Variants in SLC9A2 observed in about 807,000 individuals in gnomAD.
SLC9A2 encodes the protein sodium/hydrogen exchanger 2.
Under a neutral mutation model 71.7 loss-of-function variants are expected in SLC9A2, and 42 were observed. That is an observed-to-expected ratio of 0.59 (90% confidence interval 0.46 to 0.76). The LOEUF is 0.76. SLC9A2 is among the 30% of genes least tolerant of loss of function. The pLI is 0.00. For missense variants in SLC9A2, 829 were observed against 1,017.4 expected, an observed-to-expected ratio of 0.81 and a Z score of 2.52; for synonymous variants, 396 against 392.5, an observed-to-expected ratio of 1.01 and a Z score of -0.10.
chr2:102,667,932 C>T lies in SLC9A2; in HGVS notation c.1004+2582C>T, dbSNP rs912752139. 1.1e-4 allele frequency among the ~76,000 whole-genome samples: 17 copies of T among 151,660 alleles called. No homozygotes were observed. In the East Asian group the frequency reaches 1.4e-3, roughly 12 times the overall value. ...TAAAAAAAAAATACAAAAATTAGTC[C>T]GGCATGGTGGTGCATGTCTGTAATC... On this transcript the variant is annotated intron_variant, in intron 3 of 11. Coordinates refer to ENST00000233969, the MANE Select transcript of SLC9A2 (RefSeq NM_003048.6).
intron 1 of SLC9A2, among the ~76,000 whole-genome samples, chr2:102,652,676 C>A (rs546846698): frequency 6.6e-6 from 1 of 152,256 alleles, no homozygotes; most frequent in African/African-American, 2.4e-5. Flanking sequence ...ACTATCTGGT[C>A]CTTAACAGAA....
chr2:102,694,842 A>C (rs546649092), intron 6 of SLC9A2, among the ~76,000 whole-genome samples: 1 of 151,958 alleles, frequency 6.6e-6, no homozygotes, highest in East Asian at 1.9e-4. Context: ...AAAATAATCG[A>C]AGACTTACCT....
At chr2:102,685,013 A>G (rs1677521761) in intron 5 of SLC9A2, among the ~76,000 whole-genome samples, 1 of 152,232 alleles carries the variant, frequency 6.6e-6, no homozygotes, top group South Asian at 2.1e-4. Context: ...AGAGCATGTT[A>G]GAAGGTGGAA....
At chr2:102,659,732 G>A (rs1398825038) in intron 2 of SLC9A2, among the ~76,000 whole-genome samples, 2 of 152,204 alleles carry the variant, frequency 1.3e-5, no homozygotes, top group East Asian at 1.9e-4. Flanking sequence ...AATTTTAACT[G>A]GGAAACTGCC....
At chr2:102,623,711 G>T in intron 1 of SLC9A2, among the ~76,000 whole-genome samples, 1 of 152,124 alleles carries the variant, frequency 6.6e-6, no homozygotes. Context: ...CCTGCAAAAT[G>T]CCATGGTTTC....
Position 102,625,494 on chromosome 2 carries a change from C to T in SLC9A2, c.289+5357C>T, listed in dbSNP as rs563269764. Among the ~76,000 whole-genome samples, 9 of 147,268 alleles carry T rather than the reference C, an allele frequency of 6.1e-5. 1 individual carries two copies. The South Asian group carries it at 6.6e-4, about 11-fold the overall frequency. The stretch of plus-strand genomic sequence containing the variant: ...CCTCCCCCCACCGCACAACAGGTCC[C>T]GGTGTGTGATGTTCCCCTTCCTGTT... On this transcript the variant is annotated intron_variant, in intron 1 of 11. Transcript: ENST00000233969.
chr2:102,702,555 C>G lies in SLC9A2; in HGVS notation c.1845+53C>G, dbSNP rs1416345658. On this transcript the variant is annotated intron_variant, in intron 9 of 11. Coordinates refer to ENST00000233969, the MANE Select transcript of SLC9A2 (RefSeq NM_003048.6). ...TTACTTACCTTTGGCTAACAGGATG[C>G]CTTCTGGTTTTGTGCTGTAACTGGA... is the stretch of plus-strand genomic sequence containing the variant. The G allele has an allele frequency of 9.0e-6, 10 of 1,106,034 alleles. No individual in the cohort carries two copies. In the East Asian group the frequency reaches 1.9e-4, roughly 21 times the overall value. The allele number at this position is 1,106,034 out of a possible 1,614,324, so 68.5% of individuals were successfully genotyped here.
chr2:102,701,343 C>T (rs1482350823), intron 8 of SLC9A2, 112 bp downstream of exon 8: 23 of 832,222 alleles, frequency 2.8e-5, no homozygotes, highest in South Asian at 6.0e-5. Context: ...CCGCCCCCCT[C>T]GGCCTCCCAG....
chr2:102,666,224 C>A (rs1677137882), intron 3 of SLC9A2, among the ~76,000 whole-genome samples: 1 of 119,288 alleles, frequency 8.4e-6, no homozygotes, highest in Non-Finnish European at 1.6e-5. Flanking sequence ...GAGGCGGAGT[C>A]TCGCTCTCTC....
chr2:102,646,768 A>ATATATAT lies in SLC9A2; in HGVS notation c.290-10796_290-10795insTATATAT, dbSNP rs1676731084. Among the ~76,000 whole-genome samples, 166 of 132,972 alleles carry ATATATAT rather than the reference A, an allele frequency of 1.2e-3. 3 individuals carry two copies. The highest frequency in any genetic ancestry group is 5.0e-3 in the African/African-American group (160 of 32,156). The allele number at this position is 132,972 out of a possible 152,430, so 87.2% of individuals were successfully genotyped here. Reference sequence around the variant, plus strand: ...GCAGCAAGAAGAGCTAACGATCCTAAATATATATATATATATATATATCTC... The same window carrying ATATATAT: ...GCAGCAAGAAGAGCTAACGATCCTAATATATATATATATATATATATATATATATCTC... On this transcript the variant is annotated intron_variant, in intron 1 of 11. Transcript: ENST00000233969.
chr2:102,665,392 A>G, intron 3 of SLC9A2, 42 bp downstream of exon 3: 1 of 1,567,842 alleles, frequency 6.4e-7, no homozygotes, highest in Non-Finnish European at 8.7e-7. Flanking sequence ...ATGGCATTTC[A>G]TTGAATGCAT....
intron 5 of SLC9A2, among the ~76,000 whole-genome samples, chr2:102,693,530 C>T (rs1280680561): frequency 6.6e-6 from 1 of 152,166 alleles, no homozygotes; most frequent in East Asian, 1.9e-4. Context: ...TACTGAAGAG[C>T]TGATAGTTCT....
At chr2:102,646,636 A>T (rs1376364767) in intron 1 of SLC9A2, among the ~76,000 whole-genome samples, 1 of 151,932 alleles carries the variant, frequency 6.6e-6, no homozygotes, top group Non-Finnish European at 1.5e-5. Flanking sequence ...AAACAAACAA[A>T]CAAAAAAAGC....
chr2:102,702,372 A>C, intron 8 of SLC9A2, 34 bp from the exon 9 acceptor site: 1 of 1,139,396 alleles, frequency 8.8e-7, no homozygotes, highest in Non-Finnish European at 1.3e-6. Context: ...ATATTTGTTG[A>C]AAGGTAAAAT....
In SLC9A2 at chr2:102,620,152, C is replaced by T. The variant is rs1351869784; in HGVS notation, c.289+15C>T. Reference sequence around the variant, plus strand: ...GGCCAAGATTGGTGAGCGAACTGGACTTGTGGGGAATGGGAGGGGGCGATC... The same window carrying T: ...GGCCAAGATTGGTGAGCGAACTGGATTTGTGGGGAATGGGAGGGGGCGATC... On this transcript the variant is annotated intron_variant, in intron 1 of 11. Coordinates refer to ENST00000233969, the MANE Select transcript of SLC9A2 (RefSeq NM_003048.6). 1 of 1,586,472 alleles carries T rather than the reference C, an allele frequency of 6.3e-7. No individual in the cohort carries two copies. The highest frequency in any genetic ancestry group is 1.3e-5 in the African/African-American group (1 of 74,204).
At chr2:102,627,010 G>A (rs560738754) in intron 1 of SLC9A2, among the ~76,000 whole-genome samples, 17 of 152,162 alleles carry the variant, frequency 1.1e-4, no homozygotes, top group Non-Finnish European at 2.5e-4. Flanking sequence ...TTCTGGCTGG[G>A]TATTGTAGCT....
intron 1 of SLC9A2, among the ~76,000 whole-genome samples, chr2:102,621,571 T>C (rs2215942): frequency 0.33 from 50,871 of 152,064 alleles, 9,187 homozygotes; most frequent in Admixed American, 0.43. Context: ...GATTAAGTTG[T>C]TAGGTCCAAA....
In SLC9A2 at chr2:102,701,064, T is replaced by A. The variant is rs371462505; in HGVS notation, c.1587-6T>A. The A allele has an allele frequency of 1.1e-5, 18 of 1,571,716 alleles. No individual in the cohort carries two copies. The African/African-American group carries it at 2.1e-4, about 18-fold the overall frequency. The stretch of plus-strand genomic sequence containing the variant: ...ATTAATTTATTGAAAGTTTCTTTAT[T>A]TACAGGTTTAAGAAGTTTGATGATA... On this transcript the variant is annotated splice_region_variant and splice_polypyrimidine_tract_variant and intron_variant, in intron 7 of 11. Transcript: ENST00000233969.
At chr2:102,672,395 C>T (rs1677270275) in intron 3 of SLC9A2, among the ~76,000 whole-genome samples, 1 of 151,958 alleles carries the variant, frequency 6.6e-6, no homozygotes, top group African/African-American at 2.4e-5. Flanking sequence ...GTGTTTTCTA[C>T]TTGGATATTT....
Sources: allele counts gnomAD v4.1 joint callset (sites outside exome capture counted in the v4.1 genomes callset), GRCh38; gene constraint gnomAD v4.1.1; transcripts MANE v1.5; gene names NCBI Gene and HGNC (gene_info 2026-07-23, HGNC 2026-07-21).